The following ZBTB2 variants were observed in gnomAD, a reference collection of about 807,000 sequenced individuals.
ZBTB2 encodes the protein zinc finger and BTB domain-containing protein 2.
In ZBTB2, 2 loss-of-function variants were observed where a neutral mutation model predicts 39.5. That is an observed-to-expected ratio of 0.05 (90% CI 0.02 to 0.16). The LOEUF (loss-of-function observed/expected upper bound fraction) is 0.16. Ranked by LOEUF, ZBTB2 falls within the 10% of genes least tolerant of loss-of-function variation. ZBTB2 has a pLI of 1.00. For synonymous variants in ZBTB2, 251 were observed against 256.6 expected, an observed-to-expected ratio of 0.98 and a Z score of 0.21; for missense variants, 391 against 653.0, an observed-to-expected ratio of 0.60 and a Z score of 4.37.
chr6:151,380,605 T>C (rs549721544), intron 1 of ZBTB2, among the ~76,000 whole-genome samples: 1 of 152,300 alleles, frequency 6.6e-6, no homozygotes, highest in Non-Finnish European at 1.5e-5. Flanking sequence ...AAGGACCTTG[T>C]TCCCCAGCCT....
rs754540646 is a variant in ZBTB2, at chr6:151,366,268, C to G, written c.798G>C (p.Arg266=). ...TCTGGAGGTGTTCACGTAAGCTGCT[C>G]CGGAGAGTGAAGCGCCGTCCACACA... ...CHLCGRRFTL[R]SSLREHLQIH... is the part of the protein sequence containing the mutation. The change falls in exon 3 of 3, where the codon CGG becomes CGC. Residue 266 remains arginine, a synonymous_variant. Transcript: ENST00000325144. This position sits in a 1 kb window ranked among gnomAD's most constrained non-coding sequence, Gnocchi z 7.1. The G allele has an allele frequency of 3.1e-6, 5 of 1,607,238 alleles. No individual in the cohort carries two copies. The South Asian group carries it at 5.5e-5, about 18-fold the overall frequency.
intron 1 of ZBTB2, among the ~76,000 whole-genome samples, chr6:151,379,290 A>C (rs1332193131): frequency 2.0e-5 from 3 of 152,098 alleles, no homozygotes; most frequent in African/African-American, 7.2e-5. Flanking sequence ...TATTTCCTTT[A>C]GTATCTTTTC....
chr6:151,384,694 G>T (rs1350089331), intron 1 of ZBTB2, among the ~76,000 whole-genome samples: 2 of 152,080 alleles, frequency 1.3e-5, no homozygotes, highest in Non-Finnish European at 2.9e-5. Flanking sequence ...ACACATGTTG[G>T]GTTTGAGATA....
chr6:151,388,204 G>A (rs1779204129), intron 1 of ZBTB2, among the ~76,000 whole-genome samples: 1 of 152,052 alleles, frequency 6.6e-6, no homozygotes, highest in African/African-American at 2.4e-5. Context: ...GTATTTTATG[G>A]TAAAAAAATT....
At chr6:151,371,789 T>A (rs1429566175) in intron 2 of ZBTB2, among the ~76,000 whole-genome samples, 1 of 152,054 alleles carries the variant, frequency 6.6e-6, no homozygotes, top group Non-Finnish European at 1.5e-5. Flanking sequence ...AATCCAATAG[T>A]AATGTGGAGA....
chr6:151,390,350 C>CGTCCCCGTCCCCG (rs5880929), intron 1 of ZBTB2, among the ~76,000 whole-genome samples: 9 of 147,454 alleles, frequency 6.1e-5, no homozygotes, highest in Non-Finnish European at 1.2e-4. Flanking sequence ...GCCCCGCCCC[C>CGTCCCCGTCCCCG]TCCCTGTCCC....
chr6:151,366,675 A>G lies in ZBTB2; in HGVS notation c.391T>C (p.Ser131Pro). 6.2e-7 allele frequency: 1 copy of G among 1,614,114 alleles called. No individual in the cohort carries two copies. Among genetic ancestry groups the G allele is most frequent in the Non-Finnish European group, 8.5e-7 (1 of 1,180,018 alleles). Residue 131 changes from serine (S) to proline (P), a missense_variant, in exon 3 of 3, where the codon TCA becomes CCA. Coordinates refer to ENST00000325144, the MANE Select transcript of ZBTB2 (RefSeq NM_020861.3). The surrounding 1 kb of genome is among the most constrained non-coding windows in gnomAD (Gnocchi z 7.1). ...HPDQVFPLAS[S>P]LYGIQIADHQ... ...TCTGCAATCTGAATGCCATACAATGAAGAAGCCAGTGGGAAAACTTGGTCA... is the reference window on the plus strand; with the variant it reads ...TCTGCAATCTGAATGCCATACAATGGAGAAGCCAGTGGGAAAACTTGGTCA...
chr6:151,368,764 CTT>C (rs976494250), intron 2 of ZBTB2, among the ~76,000 whole-genome samples: 1 of 136,012 alleles, frequency 7.4e-6, no homozygotes. Flanking sequence ...ATTTTTCTTT[CTT>C]TTTTTTTTTA....
At chr6:151,376,414 A>G (rs1451670160) in intron 1 of ZBTB2, among the ~76,000 whole-genome samples, 4 of 152,234 alleles carry the variant, frequency 2.6e-5, no homozygotes, top group Admixed American at 1.3e-4. Context: ...CTCAAAGACT[A>G]GGAGTCAATA....
chr6:151,378,994 T>C (rs1320647630), intron 1 of ZBTB2, among the ~76,000 whole-genome samples: 1 of 152,208 alleles, frequency 6.6e-6, no homozygotes, highest in African/African-American at 2.4e-5. Context: ...ATTCAATAAG[T>C]AGGCTTTAAA....
chr6:151,387,632 C>G (rs1311720504), intron 1 of ZBTB2, among the ~76,000 whole-genome samples: 1 of 152,206 alleles, frequency 6.6e-6, no homozygotes, highest in Admixed American at 6.5e-5. Flanking sequence ...TTTAAGAGAA[C>G]AGTACACTAA....
rs576847713 is a variant in ZBTB2 at position 151,367,519 on chromosome 6, AG to A, written c.174-628del. 1.1e-3 allele frequency among the ~76,000 whole-genome samples: 172 copies of A among 152,322 alleles called. 1 individual carries two copies. The highest frequency in any genetic ancestry group is 3.9e-3 in the African/African-American group (161 of 41,574). On this transcript the variant is annotated intron_variant, in intron 2 of 2. Transcript: ENST00000325144. ...CATCAGCACTGCTCCTGGGCTTTAC[AG>A]GGATGCCTTCTCACTTGATTGTCAT...
At position 151,365,512 on chromosome 6, in the gene ZBTB2, A is replaced by T; in HGVS notation, c.*9T>A. Reference sequence around the variant, plus strand: ...AAAAATGAGAGTTTTTTAAAAAGATAAGTGACATTCAGTCTAGTAAGACGG... The same window carrying T: ...AAAAATGAGAGTTTTTTAAAAAGATTAGTGACATTCAGTCTAGTAAGACGG... On this transcript the variant is annotated 3_prime_UTR_variant, in exon 3 of 3. Coordinates refer to ENST00000325144, the MANE Select transcript of ZBTB2 (RefSeq NM_020861.3). This position sits in a 1 kb window ranked among gnomAD's most constrained non-coding sequence, Gnocchi z 5.6. 6.3e-7 allele frequency: 1 copy of T among 1,583,260 alleles called. No homozygotes were observed. Among genetic ancestry groups the T allele is most frequent in the Non-Finnish European group, 8.6e-7 (1 of 1,167,024 alleles).
At position 151,365,283 on chromosome 6, in the gene ZBTB2, T is replaced by C. The variant is rs1023472720; in HGVS notation, c.*238A>G. On this transcript the variant is annotated 3_prime_UTR_variant, in exon 3 of 3. Coordinates refer to ENST00000325144, the MANE Select transcript of ZBTB2 (RefSeq NM_020861.3). This position sits in a 1 kb window ranked among gnomAD's most constrained non-coding sequence, Gnocchi z 5.6. Reference sequence around the variant, plus strand: ...AATCTAAAACCTCTCAAAATTTGAGTTTATAAGTATAATGACCATTATCTT... The same window carrying C: ...AATCTAAAACCTCTCAAAATTTGAGCTTATAAGTATAATGACCATTATCTT... 1.6e-5 allele frequency: 7 copies of C among 434,498 alleles called. No individual in the cohort carries two copies. In the Admixed American group the frequency reaches 1.6e-4, roughly 10 times the overall value. The allele number at this position is 434,498 out of a possible 1,614,324, so 26.9% of individuals were successfully genotyped here.
At chr6:151,389,981 C>T (rs1000025207) in intron 1 of ZBTB2, among the ~76,000 whole-genome samples, 1 of 152,156 alleles carries the variant, frequency 6.6e-6, no homozygotes, top group African/African-American at 2.4e-5. Context: ...GAAAACGACG[C>T]CGGCCCCGGG....
intron 2 of ZBTB2, among the ~76,000 whole-genome samples, chr6:151,367,447 A>G (rs1778676214): frequency 6.6e-6 from 1 of 152,138 alleles, no homozygotes; most frequent in Admixed American, 6.6e-5. Flanking sequence ...TATGTATTCT[A>G]TTTTTATACA....
At chr6:151,377,785 T>C (rs1778950827) in intron 1 of ZBTB2, among the ~76,000 whole-genome samples, 1 of 151,962 alleles carries the variant, frequency 6.6e-6, no homozygotes, top group African/African-American at 2.4e-5. Flanking sequence ...CCGCCCACCT[T>C]GGCCTCCCAA....
chr6:151,387,715 CTA>C (rs1376475314), intron 1 of ZBTB2, among the ~76,000 whole-genome samples: 2 of 152,202 alleles, frequency 1.3e-5, no homozygotes, highest in Non-Finnish European at 2.9e-5. Flanking sequence ...TTTCAAATTC[CTA>C]TCTTTGAATA....
At position 151,391,222 on chromosome 6, in the gene ZBTB2, C is replaced by T. The variant is rs1582928410; in HGVS notation, c.-13+198G>A. On this transcript the variant is annotated intron_variant, in intron 1 of 2. Transcript: ENST00000325144. ...TGCCCTCGCTTCCCAGAACCGGGTC[C>T]CCGAGTGGCCCGGGCCTTCCGCCTG... is the stretch of plus-strand genomic sequence containing the variant. 2.6e-5 allele frequency among the ~76,000 whole-genome samples: 4 copies of T among 151,628 alleles called. No individual in the cohort carries two copies. In the South Asian group the frequency reaches 8.3e-4, roughly 32 times the overall value.
Sources: allele counts gnomAD v4.1 joint callset (sites outside exome capture counted in the v4.1 genomes callset), GRCh38; gene constraint gnomAD v4.1.1; non-coding constraint Gnocchi (gnomAD v3.1); transcripts MANE v1.5; gene names NCBI Gene and HGNC (gene_info 2026-07-23, HGNC 2026-07-21).